The following LEKR1 variants were observed in gnomAD, a reference collection of about 807,000 sequenced individuals.
LEKR1 encodes the protein leucine, glutamate and lysine rich 1.
Under a neutral mutation model 72.4 loss-of-function variants are expected in LEKR1, and 59 were observed. The observed-to-expected ratio is 0.82, with a 90% CI of 0.66 to 1.01. LEKR1 has a LOEUF of 1.01. LEKR1 is among the 50% of genes least tolerant of loss of function. The pLI is 0.00. For missense variants in LEKR1, 728 were observed against 759.2 expected (o/e 0.96, Z 0.48); for synonymous variants, 257 against 263.2 (o/e 0.98, Z 0.23).
At chr3:156,841,772 T>G (rs1713935750) in intron 2 of LEKR1, among the ~76,000 whole-genome samples, 1 of 152,212 alleles carries the variant, frequency 6.6e-6, no homozygotes. Context: ...TTTATCTAGA[T>G]TGTCTGTAAT....
intron 7 of LEKR1, among the ~76,000 whole-genome samples, chr3:156,981,194 GA>G (rs757192498): frequency 2.6e-5 from 4 of 152,140 alleles, no homozygotes; most frequent in Middle Eastern, 6.3e-3. Flanking sequence ...TTCACACAAT[GA>G]CAAAATTGCG....
intron 3 of LEKR1, among the ~76,000 whole-genome samples, chr3:156,915,368 C>T (rs1723525624): frequency 6.6e-6 from 1 of 152,100 alleles, no homozygotes; most frequent in South Asian, 2.1e-4. Context: ...TACACTCCCA[C>T]CAAGAGTGTA....
intron 6 of LEKR1, among the ~76,000 whole-genome samples, chr3:156,955,523 A>G (rs983113022): frequency 5.9e-5 from 9 of 152,078 alleles, no homozygotes; most frequent in African/African-American, 1.4e-4. Flanking sequence ...TGTTCCCTTA[A>G]TGCATAGTTT....
At chr3:157,024,206 C>G (rs2321456) in intron 10 of LEKR1, among the ~76,000 whole-genome samples, 81 of 152,224 alleles carry the variant, frequency 5.3e-4, no homozygotes, top group African/African-American at 1.9e-3. Flanking sequence ...AATCATAAGT[C>G]GAACCATTGC....
intron 1 of LEKR1, among the ~76,000 whole-genome samples, chr3:156,828,913 T>C (rs1178008595): frequency 6.6e-6 from 1 of 152,224 alleles, no homozygotes; most frequent in African/African-American, 2.4e-5. Context: ...TTCATACTTT[T>C]TCTAGCAGCA....
chr3:156,858,848 G>C (rs1486857708), intron 3 of LEKR1, among the ~76,000 whole-genome samples: 1 of 152,032 alleles, frequency 6.6e-6, no homozygotes, highest in Non-Finnish European at 1.5e-5. Context: ...CAAACTTTTT[G>C]ATAATAGTAT....
chr3:156,893,188 G>A (rs1182541440), intron 3 of LEKR1, among the ~76,000 whole-genome samples: 3 of 152,072 alleles, frequency 2.0e-5, no homozygotes, highest in Non-Finnish European at 4.4e-5. Context: ...ATGGCATTGG[G>A]GAGGACTTCT....
chr3:156,905,624 A>G (rs1202994556), intron 3 of LEKR1, among the ~76,000 whole-genome samples: 1 of 152,172 alleles, frequency 6.6e-6, no homozygotes, highest in Non-Finnish European at 1.5e-5. Context: ...GGTTTCACAA[A>G]GTGCTTATGA....
At chr3:156,859,454 T>G (rs1345975118) in intron 3 of LEKR1, among the ~76,000 whole-genome samples, 1 of 152,206 alleles carries the variant, frequency 6.6e-6, no homozygotes, top group Non-Finnish European at 1.5e-5. Context: ...CTTTATTTTT[T>G]AGAGCAGTTT....
Position 156,956,602 on chromosome 3 carries a change from C to A in LEKR1, c.745+13888C>A, listed in dbSNP as rs1406071423. Among the ~76,000 whole-genome samples, 3 of 152,014 alleles carry A rather than the reference C, an allele frequency of 2.0e-5. No homozygotes were observed. The East Asian group carries it at 5.8e-4, about 29-fold the overall frequency. On this transcript the variant is annotated intron_variant, in intron 6 of 12. Transcript: ENST00000356539. ...CAAAATAAGCCTCAAGGCAAACTAG[C>A]ACACAATAAAAATATACAGAATGTA...
chr3:156,933,586 T>A (rs1725442012), intron 5 of LEKR1, among the ~76,000 whole-genome samples: 2 of 152,220 alleles, frequency 1.3e-5, no homozygotes, highest in South Asian at 4.1e-4. Flanking sequence ...TGTCACATCT[T>A]ATAGAATATT....
chr3:157,035,832 G>A (rs960855434), intron 12 of LEKR1, among the ~76,000 whole-genome samples: 1 of 152,176 alleles, frequency 6.6e-6, no homozygotes, highest in East Asian at 1.9e-4. Context: ...CCAGAAGGTG[G>A]AGGTTGCAGT....
Position 156,829,286 on chromosome 3 carries a change from A to C in LEKR1, c.-44A>C. The C allele has an allele frequency of 8.0e-7, 1 of 1,253,252 alleles. No individual in the cohort carries two copies. The highest frequency in any genetic ancestry group is 2.5e-5 in the East Asian group (1 of 39,332). The allele number at this position is 1,253,252 out of a possible 1,614,324, so 77.6% of individuals were successfully genotyped here. A position where few individuals can be genotyped will look rare whatever the true frequency, so the allele number is the denominator to read the frequency against. ...TGACTGTTGCCATCAATGTTCTTAG[A>C]TTTCCTTTGGCTTCAAAGCTCTCTC... is the stretch of plus-strand genomic sequence containing the variant. On this transcript the variant is annotated splice_region_variant and 5_prime_UTR_variant, in exon 2 of 13. Transcript: ENST00000356539.
In LEKR1 at chr3:156,938,069, T is replaced by C. The variant is rs906488713; in HGVS notation, c.560-4460T>C. Among the ~76,000 whole-genome samples, 5 of 152,238 alleles carry C rather than the reference T, an allele frequency of 3.3e-5. No homozygotes were observed. In the South Asian group the frequency reaches 1.0e-3, roughly 32 times the overall value. On this transcript the variant is annotated intron_variant, in intron 5 of 12. Coordinates refer to ENST00000356539, the MANE Select transcript of LEKR1 (RefSeq NM_001004316.3). ...ATAGCAGGGATCAGCTTTGTGGTAA[T>C]AGAGCAATTTTGTATTTTGATTGTG...
At chr3:157,038,394 T>C (rs1187110795) in intron 12 of LEKR1, among the ~76,000 whole-genome samples, 1 of 152,196 alleles carries the variant, frequency 6.6e-6, no homozygotes, top group East Asian at 1.9e-4. Context: ...AATATGCCTG[T>C]TAGATACCCA....
intron 12 of LEKR1, among the ~76,000 whole-genome samples, chr3:157,036,382 G>A (rs1012709921): frequency 4.6e-5 from 7 of 151,996 alleles, no homozygotes; most frequent in Non-Finnish European, 2.9e-5. Context: ...AAAAGATGGA[G>A]AAAAGAAAAG....
At chr3:157,009,137 G>A (rs1041583110) in intron 9 of LEKR1, among the ~76,000 whole-genome samples, 4 of 152,052 alleles carry the variant, frequency 2.6e-5, no homozygotes, top group Admixed American at 2.0e-4. Context: ...TTCTATAGAA[G>A]TATTATGTTA....
At chr3:156,841,991 A>T (rs1360256602) in intron 2 of LEKR1, among the ~76,000 whole-genome samples, 1 of 152,172 alleles carries the variant, frequency 6.6e-6, no homozygotes, top group East Asian at 1.9e-4. Context: ...TTAGATTCTC[A>T]TAGGAGCAGG....
intron 3 of LEKR1, among the ~76,000 whole-genome samples, chr3:156,890,511 T>C (rs558590162): frequency 2.0e-5 from 3 of 152,330 alleles, no homozygotes; most frequent in South Asian, 2.1e-4. Context: ...CCAAACCTAA[T>C]GCTATAATTT....
Sources: gnomAD v4.1 joint callset for allele counts (sites outside exome capture counted in the v4.1 genomes callset) on GRCh38, gnomAD v4.1.1 for gene constraint, MANE v1.5 for transcripts, NCBI Gene and HGNC (gene_info 2026-07-23, HGNC 2026-07-21) for gene names.